DCC: variants seen among roughly 807,000 people sequenced by gnomAD.
The protein encoded by DCC is netrin receptor DCC.
In DCC, 58 loss-of-function variants were observed where a neutral mutation model predicts 172.5. The observed-to-expected ratio is 0.34, with a 90% CI of 0.27 to 0.42. The LOEUF is 0.42. Among genes scored for constraint, DCC ranks in the 10% least tolerant of loss-of-function variants. The pLI is 1.00. For missense variants in DCC, 1,740 were observed against 1,791.0 expected (o/e 0.97, Z 0.51); for synonymous variants, 709 against 644.5 (o/e 1.10, Z -1.52).
intron 5 of DCC, among the ~76,000 whole-genome samples, chr18:53,029,339 A>G (rs1291786616): frequency 6.6e-6 from 1 of 152,224 alleles, no homozygotes; most frequent in African/African-American, 2.4e-5. Flanking sequence ...TCACCTGTTC[A>G]TGAGATCCTG....
intron 2 of DCC, among the ~76,000 whole-genome samples, chr18:52,824,967 C>CAT (rs148347043): frequency 0.051 from 7,507 of 148,186 alleles, 503 homozygotes; most frequent in African/African-American, 0.15. Context: ...GAGACTCCCT[C>CAT]ATATATATAT....
chr18:52,885,454 G>A (rs747547469), intron 2 of DCC, among the ~76,000 whole-genome samples: 4 of 152,128 alleles, frequency 2.6e-5, no homozygotes, highest in Admixed American at 6.5e-5. Context: ...CAGCCCACAC[G>A]GGATTCTTCC....
intron 8 of DCC, among the ~76,000 whole-genome samples, chr18:53,163,264 T>A (rs1484056200): frequency 1.3e-5 from 2 of 151,848 alleles, no homozygotes; most frequent in African/African-American, 4.8e-5. Context: ...CTCGATAGAT[T>A]TTTTTCTTAC....
intron 2 of DCC, among the ~76,000 whole-genome samples, chr18:52,904,271 G>C (rs2039849231): frequency 6.6e-6 from 1 of 152,178 alleles, no homozygotes; most frequent in African/African-American, 2.4e-5. Context: ...GTCTATTTCT[G>C]TGGATGTAGC....
At chr18:53,416,026 A>T in intron 20 of DCC, 98 bp from the exon 21 acceptor site, 1 of 866,964 alleles carries the variant, frequency 1.2e-6, no homozygotes, top group Non-Finnish European at 1.9e-6. Flanking sequence ...ACTAGCTTTG[A>T]AATAAAAACT....
chr18:52,802,643 CTTTTTTTT>C (rs776080029), intron 2 of DCC, among the ~76,000 whole-genome samples: 9 of 38,198 alleles, frequency 2.4e-4, no homozygotes, highest in East Asian at 1.2e-3. Context: ...CACGCCAAGC[CTTTTTTTT>C]TTTTTTTTTT....
At chr18:53,335,872 G>C (rs890533235) in intron 14 of DCC, among the ~76,000 whole-genome samples, 6 of 151,046 alleles carry the variant, frequency 4.0e-5, no homozygotes, top group African/African-American at 1.5e-4. Context: ...GCAGACAAGA[G>C]AAGAGAACTT....
intron 1 of DCC, among the ~76,000 whole-genome samples, chr18:52,366,817 G>A: frequency 6.6e-6 from 1 of 152,226 alleles, no homozygotes; most frequent in Middle Eastern, 3.2e-3. Context: ...CTCCCCACCA[G>A]ACTCAGGAGC....
In DCC at chr18:52,749,202, G is replaced by GA. The variant is rs1178388567; in HGVS notation, c.92-2842dup. The stretch of plus-strand genomic sequence containing the variant: ...GCCAGACTCCATCGCCCAAAAAAAA[G>GA]AAAAAAAAAAGAATTATTCAGAAAG... On this transcript the variant is annotated intron_variant, in intron 1 of 28. Transcript: ENST00000442544. Among the ~76,000 whole-genome samples the GA allele has an allele frequency of 3.7e-4, 54 of 146,500 alleles. 1 individual carries two copies. Among genetic ancestry groups the GA allele is most frequent in the Middle Eastern group, 3.4e-3 (1 of 290 alleles).
chr18:53,274,792 G>A (rs1253810587), intron 12 of DCC, among the ~76,000 whole-genome samples: 1 of 152,032 alleles, frequency 6.6e-6, no homozygotes. Context: ...GTGGTCTCTT[G>A]GCCAGAAGCA....
chr18:53,232,138 C>A (rs1309483405), intron 12 of DCC, among the ~76,000 whole-genome samples: 1 of 152,118 alleles, frequency 6.6e-6, no homozygotes, highest in African/African-American at 2.4e-5. Flanking sequence ...TAGTGACTTT[C>A]TCTTGCGGCA....
chr18:52,836,457 A>G (rs1004863588), intron 2 of DCC, among the ~76,000 whole-genome samples: 1 of 152,230 alleles, frequency 6.6e-6, no homozygotes, highest in Non-Finnish European at 1.5e-5. Flanking sequence ...TCCTAGATAC[A>G]ATGTGGGTAC....
At chr18:53,506,685 C>CCAT (rs1664981055) in intron 27 of DCC, among the ~76,000 whole-genome samples, 1 of 151,962 alleles carries the variant, frequency 6.6e-6, no homozygotes, top group South Asian at 2.1e-4. Context: ...CAGTGAAACC[C>CCAT]CATCTCTACT....
At chr18:52,351,703 T>G (rs1399702570) in intron 1 of DCC, among the ~76,000 whole-genome samples, 2 of 152,224 alleles carry the variant, frequency 1.3e-5, no homozygotes, top group Non-Finnish European at 2.9e-5. Context: ...TCAAAATGTG[T>G]GCCTGAACGT....
intron 16 of DCC, among the ~76,000 whole-genome samples, chr18:53,386,827 A>T (rs1486116620): frequency 1.3e-5 from 2 of 152,210 alleles, no homozygotes; most frequent in Admixed American, 6.5e-5. Context: ...CAAACTATTT[A>T]TGGAGGTTAT....
At chr18:53,464,767 G>C (rs2045598713) in intron 24 of DCC, among the ~76,000 whole-genome samples, 1 of 151,582 alleles carries the variant, frequency 6.6e-6, no homozygotes, top group African/African-American at 2.4e-5. Flanking sequence ...GATCACCTGA[G>C]GTTGGCAGCT....
At chr18:52,925,134 G>A (rs2040181610) in intron 4 of DCC, 100 bp from the exon 5 acceptor site, 1 of 1,195,126 alleles carries the variant, frequency 8.4e-7, no homozygotes, top group Non-Finnish European at 1.2e-6. Flanking sequence ...TCTTTCAAGT[G>A]TCTTAATTTG....
At chr18:53,452,824 G>A (rs778911793) in intron 23 of DCC, among the ~76,000 whole-genome samples, 6 of 152,044 alleles carry the variant, frequency 3.9e-5, no homozygotes, top group Non-Finnish European at 8.8e-5. Context: ...ATCCCTTTGT[G>A]TGCATATTTT....
chr18:52,886,802 G>C (rs1284645118), intron 2 of DCC, among the ~76,000 whole-genome samples: 1 of 151,966 alleles, frequency 6.6e-6, no homozygotes, highest in Non-Finnish European at 1.5e-5. Context: ...TTGGTGCATA[G>C]TTGGTTGTTA....
Sources: allele counts gnomAD v4.1 joint callset (sites outside exome capture counted in the v4.1 genomes callset), GRCh38; gene constraint gnomAD v4.1.1; transcripts MANE v1.5; gene names NCBI Gene and HGNC (gene_info 2026-07-23, HGNC 2026-07-21).